The following TJAP1 variants were observed in gnomAD, a reference collection of about 807,000 sequenced individuals.
TJAP1 encodes the protein tight junction-associated protein 1.
In TJAP1, 27 loss-of-function variants were observed where a neutral mutation model predicts 42.0. The observed-to-expected ratio is 0.64, with a 90% CI of 0.47 to 0.89. The LOEUF (loss-of-function observed/expected upper bound fraction) is 0.89, where lower values mean the gene tolerates loss of function less well. Among genes scored for constraint, TJAP1 ranks in the 40% least tolerant of loss-of-function variants. The pLI is 0.00. For synonymous variants in TJAP1, 257 were observed against 288.4 expected, an observed-to-expected ratio of 0.89 and a Z score of 1.10; for missense variants, 712 against 726.9, an observed-to-expected ratio of 0.98 and a Z score of 0.24.
At chr6:43,499,143 C>G in intron 4 of TJAP1, 43 bp downstream of exon 4, 2 of 1,608,298 alleles carry the variant, frequency 1.2e-6, no homozygotes, top group Non-Finnish European at 1.7e-6. Flanking sequence ...AGAGGCAAGG[C>G]CCCTGAGGCT....
In TJAP1 at chr6:43,505,044, A is replaced by G. The variant is rs759895389; in HGVS notation, c.863A>G (p.Asn288Ser). Residue 288 changes from asparagine to serine, a missense_variant, in exon 11 of 11, where the codon AAT becomes AGT. Coordinates refer to ENST00000372449, the Ensembl canonical transcript of TJAP1. The surrounding 1 kb of genome is among the most constrained non-coding windows in gnomAD (Gnocchi z 5.5). The stretch of plus-strand genomic sequence containing the variant: ...CCTGGCAGCCCCACCCCACAACCCA[A>G]TGGGGAGTGCCACTCTCTGGGTACT... The G allele has an allele frequency of 3.1e-6, 5 of 1,613,696 alleles. No homozygotes were observed. Among genetic ancestry groups the G allele is most frequent in the African/African-American group, 2.7e-5 (2 of 74,880 alleles).
At position 43,505,630 on chromosome 6, in the gene TJAP1, A is replaced by G. The variant is rs746022685; in HGVS notation, c.1449A>G (p.Glu483=). 9 of 1,613,204 alleles carry G rather than the reference A, an allele frequency of 5.6e-6. No individual in the cohort carries two copies. The African/African-American group carries it at 8.0e-5, about 14-fold the overall frequency. ...CTGACTCTGGCTTTCCCAGGGAGGA[A>G]GAAGAGCTGAACCTGCCTATCAGTC... The change falls in exon 11 of 11, where the codon GAA becomes GAG. Residue 483 remains glutamate (E), a synonymous_variant. Transcript: ENST00000372449. The surrounding 1 kb of genome is among the most constrained non-coding windows in gnomAD (Gnocchi z 5.5).
At chr6:43,486,008 G>A (rs1786394338) in intron 2 of TJAP1, among the ~76,000 whole-genome samples, 1 of 146,310 alleles carries the variant, frequency 6.8e-6, no homozygotes, top group African/African-American at 2.5e-5. Context: ...GTCTTGCTCT[G>A]TTGCTCAGGG....
At chr6:43,500,375 T>C (rs1180008377) in intron 4 of TJAP1, among the ~76,000 whole-genome samples, 1 of 152,226 alleles carries the variant, frequency 6.6e-6, no homozygotes, top group African/African-American at 2.4e-5. Context: ...GCCTGACTTT[T>C]CTGGAAGGTC....
At chr6:43,504,366 C>CATTAAAAAA in intron 10 of TJAP1, 1 of 234,146 alleles carries the variant, frequency 4.3e-6, no homozygotes, top group South Asian at 6.5e-5. Flanking sequence ...CCACCCGCCT[C>CATTAAAAAA]GGCCTCCCAA....
At chr6:43,501,743 CACACACACACACACACTCTCTCT>C (rs1790630207) in intron 6 of TJAP1, 56 bp downstream of exon 6, 29 of 694,916 alleles carry the variant, frequency 4.2e-5, no homozygotes, top group South Asian at 2.1e-4. Context: ...CACACACACA[CACACACACACACACACTCTCTCT>C]GTCTCTCTCT....
intron 3 of TJAP1, among the ~76,000 whole-genome samples, chr6:43,498,587 T>C (rs746842659): frequency 1.3e-5 from 2 of 152,220 alleles, no homozygotes; most frequent in Non-Finnish European, 2.9e-5. Flanking sequence ...TGCTGTTTTA[T>C]CGCTAATTTA....
chr6:43,500,604 C>T (rs181256877), intron 4 of TJAP1, 140 bp from the exon 5 acceptor site: 12 of 850,266 alleles, frequency 1.4e-5, no homozygotes, highest in African/African-American at 5.0e-5. Flanking sequence ...TGCTTCCATC[C>T]GTAGAGAGCC....
At chr6:43,481,913 T>A (rs528072787) in intron 2 of TJAP1, among the ~76,000 whole-genome samples, 1 of 152,354 alleles carries the variant, frequency 6.6e-6, no homozygotes, top group African/African-American at 2.4e-5. Context: ...AGTAGGCATG[T>A]GTCTGCCATC....
At chr6:43,499,904 A>G (rs553283561) in intron 4 of TJAP1, among the ~76,000 whole-genome samples, 31 of 152,334 alleles carry the variant, frequency 2.0e-4, no homozygotes, top group South Asian at 6.2e-4. Flanking sequence ...GCTAGGTGCT[A>G]CCCAGCGAGC....
intron 8 of TJAP1, chr6:43,503,104 TGCCTTGCCTGGTGCCCAGA>T: frequency 6.2e-6 from 3 of 487,524 alleles, no homozygotes; most frequent in Admixed American, 7.0e-5. Context: ...AGGTACCAGC[TGCCTTGCCTGGTGCCCAGA>T]GCCCCTGGAA....
At chr6:43,493,441 G>A (rs1296572665) in intron 2 of TJAP1, among the ~76,000 whole-genome samples, 1 of 152,220 alleles carries the variant, frequency 6.6e-6, no homozygotes, top group East Asian at 1.9e-4. Context: ...GAGTTGTGGA[G>A]TGAGGTAGTA....
At chr6:43,498,409 G>A (rs1443708512) in intron 3 of TJAP1, among the ~76,000 whole-genome samples, 1 of 152,082 alleles carries the variant, frequency 6.6e-6, no homozygotes, top group Non-Finnish European at 1.5e-5. Flanking sequence ...AAATAGCCAG[G>A]TGCAGTGGCA....
chr6:43,490,823 C>T (rs1038658136), intron 2 of TJAP1, among the ~76,000 whole-genome samples: 10 of 152,294 alleles, frequency 6.6e-5, no homozygotes, highest in African/African-American at 2.2e-4. Context: ...CTTCGGATTC[C>T]ACACTGGGCT....
At chr6:43,497,480 G>C (rs183818623) in intron 2 of TJAP1, 1 of 152,224 alleles carries the variant, frequency 6.6e-6, no homozygotes, top group Non-Finnish European at 1.5e-5. Flanking sequence ...TTGGATCTCT[G>C]TGAGGCTTTT....
At chr6:43,480,372 C>CTGTTTG (rs1197979103) in intron 2 of TJAP1, among the ~76,000 whole-genome samples, 4 of 152,166 alleles carry the variant, frequency 2.6e-5, no homozygotes, top group Non-Finnish European at 5.9e-5. Context: ...GTTAAAATGC[C>CTGTTTG]AGTGATTTCC....
Position 43,499,120 on chromosome 6 carries a change from C to A in TJAP1, c.99+20C>A. On this transcript the variant is annotated intron_variant, in intron 4 of 10. Transcript: ENST00000372449. ...CAGGAGGTCAGCAAGACTGGTATCA[C>A]AGCCTGACCGGCAGAGGCAAGGCCC... 6.2e-7 allele frequency: 1 copy of A among 1,612,612 alleles called. No homozygotes were observed. The highest frequency in any genetic ancestry group is 8.5e-7 in the Non-Finnish European group (1 of 1,179,736).
At chr6:43,494,931 G>A (rs1031834771) in intron 2 of TJAP1, among the ~76,000 whole-genome samples, 16 of 152,242 alleles carry the variant, frequency 1.1e-4, no homozygotes, top group African/African-American at 3.9e-4. Context: ...GTGCCCTGGA[G>A]CCAGCTCAGC....
chr6:43,490,942 G>A (rs1193241398), intron 2 of TJAP1, among the ~76,000 whole-genome samples: 1 of 152,190 alleles, frequency 6.6e-6, no homozygotes, highest in Non-Finnish European at 1.5e-5. Flanking sequence ...AGGCGGGTCT[G>A]GAGATCATGA....
Sources: gnomAD v4.1 joint callset for allele counts (sites outside exome capture counted in the v4.1 genomes callset) on GRCh38, gnomAD v4.1.1 for gene constraint, Gnocchi (gnomAD v3.1) non-coding constraint, MANE v1.5 for transcripts, NCBI Gene and HGNC (gene_info 2026-07-23, HGNC 2026-07-21) for gene names.